RBFOX1: variants seen among roughly 807,000 people sequenced by gnomAD.
The protein encoded by RBFOX1 is RNA binding protein fox-1 homolog 1.
In RBFOX1, 8 loss-of-function variants were observed where a neutral mutation model predicts 57.7. That is an observed-to-expected ratio of 0.14 (90% CI 0.08 to 0.25). The LOEUF is 0.25. Ranked by LOEUF, RBFOX1 falls within the 10% of genes least tolerant of loss-of-function variation. The probability of loss-of-function intolerance (pLI) is 1.00; values close to 1 mark genes in which losing one functional copy is unlikely to be tolerated. For synonymous variants in RBFOX1, 326 were observed against 222.4 expected (o/e 1.47, Z -4.15); for missense variants, 611 against 548.5 (o/e 1.11, Z -1.14).
At chr16:6,296,830 G>A (rs2078173643) in intron 1 of RBFOX1, among the ~76,000 whole-genome samples, 1 of 152,180 alleles carries the variant, frequency 6.6e-6, no homozygotes, top group Non-Finnish European at 1.5e-5. Flanking sequence ...CGAGGTACCG[G>A]TACAGACCCC....
rs537667190 is a variant in RBFOX1, at chr16:6,041,300, G to C, written c.-127+21308G>C. On this transcript the variant is annotated intron_variant, in intron 1 of 15. Coordinates refer to ENST00000550418, the MANE Select transcript of RBFOX1 (RefSeq NM_018723.4). ...TAGAAGCAATTTCATCCTTCTTTCAGGGGGAGGGTAATTGTGCTTCACTAC... is the reference window on the plus strand; with the variant it reads ...TAGAAGCAATTTCATCCTTCTTTCACGGGGAGGGTAATTGTGCTTCACTAC... Among the ~76,000 whole-genome samples the C allele has an allele frequency of 7.9e-5, 12 of 152,246 alleles. No homozygotes were observed. The South Asian group carries it at 2.3e-3, about 29-fold the overall frequency.
intron 2 of RBFOX1, among the ~76,000 whole-genome samples, chr16:6,335,829 C>CA (rs1436867770): frequency 3.0e-5 from 4 of 132,538 alleles, no homozygotes; most frequent in South Asian, 2.5e-4. Context: ...AAAAATAAAA[C>CA]AAAAAAATGG....
At chr16:5,538,215 C>A (rs150252618) in intron 2 of RBFOX1, among the ~76,000 whole-genome samples, 15 of 152,236 alleles carry the variant, frequency 9.9e-5, no homozygotes, top group African/African-American at 3.6e-4. Flanking sequence ...GTTGTCAGAT[C>A]AATATGGATT....
intron 1 of RBFOX1, among the ~76,000 whole-genome samples, chr16:6,029,790 A>AAAT (rs1462888056): frequency 1.3e-5 from 2 of 151,646 alleles, no homozygotes; most frequent in African/African-American, 4.8e-5. Context: ...AAAAAAAAAA[A>AAAT]AGGGGAAAGA....
chr16:5,517,274 A>G (rs543830789), intron 2 of RBFOX1, among the ~76,000 whole-genome samples: 52 of 152,296 alleles, frequency 3.4e-4, no homozygotes, highest in African/African-American at 1.2e-3. Flanking sequence ...AGAATTGCGC[A>G]GAATTGTTCA....
intron 4 of RBFOX1, among the ~76,000 whole-genome samples, chr16:7,213,280 C>G (rs1165609054): frequency 1.3e-5 from 2 of 152,168 alleles, no homozygotes; most frequent in Admixed American, 6.5e-5. Flanking sequence ...GGCTGCAACA[C>G]ATTCGCTGAG....
intron 1 of RBFOX1, among the ~76,000 whole-genome samples, chr16:5,399,733 T>TA (rs5815242): frequency 4.9e-3 from 709 of 143,310 alleles, no homozygotes; most frequent in African/African-American, 0.015. Context: ...GACCCTGTCT[T>TA]AAAAAAAAAA....
intron 4 of RBFOX1, among the ~76,000 whole-genome samples, chr16:7,141,423 G>T (rs1038157883): frequency 1.3e-5 from 2 of 151,184 alleles, no homozygotes; most frequent in Non-Finnish European, 2.9e-5. Context: ...AGACCTTATC[G>T]CATGATTGTT....
Position 7,360,213 on chromosome 16 carries a change from T to C in RBFOX1, c.28-157934T>C, listed in dbSNP as rs2097295505. ...ATGCTATATATAGCATGGTATTATG[T>C]TGTAATTACATTTAATAAACCTAGA... is the stretch of plus-strand genomic sequence containing the variant. On this transcript the variant is annotated intron_variant, in intron 4 of 15. Coordinates refer to ENST00000550418, the MANE Select transcript of RBFOX1 (RefSeq NM_018723.4). Among the ~76,000 whole-genome samples, 3 of 152,188 alleles carry C rather than the reference T, an allele frequency of 2.0e-5. No homozygotes were observed. In the South Asian group the frequency reaches 6.2e-4, roughly 32 times the overall value.
chr16:5,756,936 C>G (rs535569379), intron 3 of RBFOX1, among the ~76,000 whole-genome samples: 24 of 152,282 alleles, frequency 1.6e-4, no homozygotes, highest in South Asian at 6.2e-4. Flanking sequence ...GGATAAAGCC[C>G]TTAACTGTAT....
At chr16:7,558,097 G>A (rs1198671324) in intron 5 of RBFOX1, among the ~76,000 whole-genome samples, 2 of 152,134 alleles carry the variant, frequency 1.3e-5, no homozygotes, top group Admixed American at 1.3e-4. Context: ...GCTCACGCCT[G>A]TAATTCCAGC....
chr16:6,451,012 A>G (rs2094610249), intron 2 of RBFOX1, among the ~76,000 whole-genome samples: 1 of 149,924 alleles, frequency 6.7e-6, no homozygotes, highest in Non-Finnish European at 1.5e-5. Context: ...GGGTACTGCC[A>G]TAAATAGACA....
intron 3 of RBFOX1, among the ~76,000 whole-genome samples, chr16:5,752,246 G>C (rs985963215): frequency 1.3e-5 from 2 of 152,162 alleles, no homozygotes; most frequent in Non-Finnish European, 2.9e-5. Context: ...ACATAGAGGG[G>C]AGAAATACAC....
intron 3 of RBFOX1, among the ~76,000 whole-genome samples, chr16:5,650,691 C>G (rs187954037): frequency 1.3e-3 from 203 of 151,668 alleles, no homozygotes; most frequent in African/African-American, 4.4e-3. Context: ...TACCAGGAGC[C>G]TACCTTCCTC....
chr16:5,881,891 T>C (rs2151918838), intron 4 of RBFOX1, among the ~76,000 whole-genome samples: 1 of 152,326 alleles, frequency 6.6e-6, no homozygotes, highest in Non-Finnish European at 1.5e-5. Flanking sequence ...ACATTTAAGG[T>C]ACTAAAATAA....
chr16:7,173,115 C>G (rs1037692291), intron 4 of RBFOX1, among the ~76,000 whole-genome samples: 1 of 152,132 alleles, frequency 6.6e-6, no homozygotes, highest in South Asian at 2.1e-4. Context: ...ATCAGACATA[C>G]TTTTTGATTA....
intron 2 of RBFOX1, among the ~76,000 whole-genome samples, chr16:6,533,215 T>G (rs1054406424): frequency 5.9e-5 from 9 of 152,210 alleles, no homozygotes; most frequent in African/African-American, 2.2e-4. Flanking sequence ...TCAACTATAG[T>G]GATACAGGAT....
intron 3 of RBFOX1, among the ~76,000 whole-genome samples, chr16:6,688,740 C>T (rs1230516799): frequency 2.0e-5 from 3 of 152,106 alleles, no homozygotes; most frequent in African/African-American, 7.2e-5. Context: ...CTGCACACAT[C>T]AACCCATCAT....
At chr16:6,948,033 C>T (rs1206315009) in intron 3 of RBFOX1, among the ~76,000 whole-genome samples, 2 of 152,170 alleles carry the variant, frequency 1.3e-5, no homozygotes, top group African/African-American at 4.8e-5. Flanking sequence ...GCTGCCTTCA[C>T]CTCCCAAAAT....
Sources: gnomAD v4.1 joint callset for allele counts (sites outside exome capture counted in the v4.1 genomes callset) on GRCh38, gnomAD v4.1.1 for gene constraint, MANE v1.5 for transcripts, NCBI Gene and HGNC (gene_info 2026-07-23, HGNC 2026-07-21) for gene names.